Variants in CTNNA3 observed in about 807,000 individuals in gnomAD.
The protein encoded by CTNNA3 is catenin alpha-3.
In CTNNA3, 76 loss-of-function variants were observed where a neutral mutation model predicts 95.7. The observed-to-expected ratio is 0.79, with a 90% CI of 0.66 to 0.96. The LOEUF (loss-of-function observed/expected upper bound fraction) is 0.96, where lower values mean the gene tolerates loss of function less well. Among genes scored for constraint, CTNNA3 ranks in the 40% least tolerant of loss-of-function variants. The pLI is 0.00. For synonymous variants in CTNNA3, 431 were observed against 374.4 expected (o/e 1.15, Z -1.74); for missense variants, 1,191 against 1,089.8 (o/e 1.09, Z -1.31).
At chr10:67,369,180 G>C (rs1229948867) in intron 5 of CTNNA3, among the ~76,000 whole-genome samples, 1 of 152,096 alleles carries the variant, frequency 6.6e-6, no homozygotes, top group Admixed American at 6.5e-5. Flanking sequence ...TACTGATGCT[G>C]TAAGATGAAT....
intron 1 of CTNNA3, chr10:67,751,299 C>A: frequency 1.1e-6 from 1 of 938,172 alleles, no homozygotes; most frequent in South Asian, 1.3e-5. Flanking sequence ...CATCTCCACT[C>A]AAGTCCTATT....
intron 12 of CTNNA3, among the ~76,000 whole-genome samples, chr10:66,318,370 C>T (rs2092133235): frequency 6.6e-6 from 1 of 151,276 alleles, no homozygotes; most frequent in African/African-American, 2.4e-5. Flanking sequence ...ACTCTATAAT[C>T]CCAGTGGTCA....
chr10:67,443,257 C>A (rs573152479), intron 5 of CTNNA3, among the ~76,000 whole-genome samples: 64 of 150,902 alleles, frequency 4.2e-4, no homozygotes, highest in African/African-American at 1.2e-3. Flanking sequence ...AATAAACATA[C>A]GTGTGCATGT....
At chr10:66,892,763 G>A (rs1263778767) in intron 7 of CTNNA3, among the ~76,000 whole-genome samples, 4 of 152,020 alleles carry the variant, frequency 2.6e-5, no homozygotes, top group Admixed American at 2.6e-4. Flanking sequence ...TGGAATAATT[G>A]TGAAATATGA....
intron 15 of CTNNA3, among the ~76,000 whole-genome samples, chr10:66,055,183 A>G (rs2080052121): frequency 1.3e-5 from 2 of 152,088 alleles, no homozygotes; most frequent in Non-Finnish European, 2.9e-5. Flanking sequence ...TCTTTTTCTC[A>G]GGATTGCTTT....
At chr10:67,635,848 T>C (rs1839293692) in intron 2 of CTNNA3, among the ~76,000 whole-genome samples, 1 of 152,038 alleles carries the variant, frequency 6.6e-6, no homozygotes, top group African/African-American at 2.4e-5. Flanking sequence ...ATAAAGAGTA[T>C]CCAAGCAGGA....
intron 9 of CTNNA3, among the ~76,000 whole-genome samples, chr10:66,675,526 T>A (rs2132484308): frequency 6.6e-6 from 1 of 152,234 alleles, no homozygotes; most frequent in East Asian, 1.9e-4. Flanking sequence ...GTTGCTTATT[T>A]AGCTAAAATG....
intron 2 of CTNNA3, among the ~76,000 whole-genome samples, chr10:67,628,732 T>A (rs1839040453): frequency 6.6e-6 from 1 of 152,164 alleles, no homozygotes; most frequent in South Asian, 2.1e-4. Context: ...ATGTTGTCAT[T>A]CATAATTATG....
chr10:66,043,308 G>A (rs1248512004), intron 15 of CTNNA3, among the ~76,000 whole-genome samples: 1 of 152,048 alleles, frequency 6.6e-6, no homozygotes, highest in South Asian at 2.1e-4. Flanking sequence ...AATATTGAAC[G>A]CTTTGAAATA....
chr10:66,671,900 T>C (rs1846674100), intron 9 of CTNNA3, among the ~76,000 whole-genome samples: 1 of 152,156 alleles, frequency 6.6e-6, no homozygotes, highest in South Asian at 2.1e-4. Context: ...AGTAAATACA[T>C]GTAAAGTCAT....
intron 7 of CTNNA3, among the ~76,000 whole-genome samples, chr10:66,799,582 G>C (rs774856083): frequency 1.3e-5 from 2 of 151,520 alleles, no homozygotes; most frequent in Non-Finnish European, 3.0e-5. Context: ...TGAGGAGAGG[G>C]AAGAAGGTAG....
intron 7 of CTNNA3, among the ~76,000 whole-genome samples, chr10:66,795,304 G>T (rs1006095991): frequency 5.3e-5 from 8 of 152,076 alleles, no homozygotes; most frequent in African/African-American, 9.7e-5. Flanking sequence ...TTACAGAATG[G>T]ATGTTGTGTT....
chr10:66,275,348 G>A (rs983095265), intron 13 of CTNNA3, among the ~76,000 whole-genome samples: 18 of 152,136 alleles, frequency 1.2e-4, no homozygotes, highest in African/African-American at 3.9e-4. Flanking sequence ...GAACTCCTGA[G>A]CTCAGGCAAT....
At chr10:67,700,132 G>A (rs967083933), upstream of CTNNA3, among the ~76,000 whole-genome samples, 1 of 152,240 alleles carries the variant, frequency 6.6e-6, no homozygotes, top group African/African-American at 2.4e-5. Flanking sequence ...AGCTCGAAAT[G>A]GGTGGAGCCC....
At chr10:66,318,417 C>CAAGTGCACCT (rs1308023010) in intron 12 of CTNNA3, among the ~76,000 whole-genome samples, 1 of 151,852 alleles carries the variant, frequency 6.6e-6, no homozygotes, top group Non-Finnish European at 1.5e-5. Context: ...GTCTTTGAGA[C>CAAGTGCACCT]AAGTGCACCT....
intron 15 of CTNNA3, among the ~76,000 whole-genome samples, chr10:66,004,261 G>A (rs2078834603): frequency 6.6e-6 from 1 of 152,180 alleles, no homozygotes; most frequent in African/African-American, 2.4e-5. Context: ...CCCAGCCGTT[G>A]TTCTAAGTGG....
At chr10:67,388,897 G>C (rs549722304) in intron 5 of CTNNA3, among the ~76,000 whole-genome samples, 105 of 152,198 alleles carry the variant, frequency 6.9e-4, no homozygotes, top group Middle Eastern at 3.4e-3. Flanking sequence ...CCTTACAAGA[G>C]CTCCTGAAGG....
At chr10:67,472,577 A>G (rs1247686241) in intron 5 of CTNNA3, among the ~76,000 whole-genome samples, 1 of 152,172 alleles carries the variant, frequency 6.6e-6, no homozygotes. Context: ...TGGATAGGGG[A>G]GAAAACCACC....
chr10:67,335,557 T>C (rs1841965986), intron 5 of CTNNA3, among the ~76,000 whole-genome samples: 1 of 152,192 alleles, frequency 6.6e-6, no homozygotes. Context: ...ACTCACTGAT[T>C]CACCAAAACT....
Sources: allele counts gnomAD v4.1 joint callset (sites outside exome capture counted in the v4.1 genomes callset), GRCh38; gene constraint gnomAD v4.1.1; transcripts MANE v1.5; gene names NCBI Gene and HGNC (gene_info 2026-07-23, HGNC 2026-07-21).